The following GRIN2A variants were observed in gnomAD, a reference collection of about 807,000 sequenced individuals.
GRIN2A encodes glutamate receptor ionotropic, NMDA 2A.
GRIN2A carries 22 observed loss-of-function variants against 113.4 expected under a neutral mutation model. The observed-to-expected ratio is 0.19, with a 90% CI of 0.14 to 0.28. The LOEUF is 0.28. Among genes scored for constraint, GRIN2A ranks in the 10% least tolerant of loss-of-function variants. The pLI is 1.00. For missense variants in GRIN2A, 1,502 were observed against 1,887.0 expected, an observed-to-expected ratio of 0.80 and a Z score of 3.78; for synonymous variants, 827 against 738.4, an observed-to-expected ratio of 1.12 and a Z score of -1.94.
At chr16:9,963,358 G>A (rs776618799) in intron 2 of GRIN2A, among the ~76,000 whole-genome samples, 3 of 151,950 alleles carry the variant, frequency 2.0e-5, no homozygotes, top group Non-Finnish European at 4.4e-5. Context: ...GTGGTTGGCT[G>A]CCCCTATCAA....
At chr16:10,045,014 G>A (rs751529887) in intron 2 of GRIN2A, among the ~76,000 whole-genome samples, 20 of 152,060 alleles carry the variant, frequency 1.3e-4, no homozygotes, top group South Asian at 8.3e-4. Flanking sequence ...AACATTTACC[G>A]TACATTATCA....
chr16:9,944,664 A>G (rs1472297760), intron 2 of GRIN2A, among the ~76,000 whole-genome samples: 2 of 152,122 alleles, frequency 1.3e-5, no homozygotes, highest in African/African-American at 2.4e-5. Context: ...CAGACTGACA[A>G]TTCTTGAGGG....
intron 10 of GRIN2A, among the ~76,000 whole-genome samples, chr16:9,799,882 T>A (rs553911787): frequency 2.6e-5 from 4 of 152,272 alleles, no homozygotes; most frequent in Admixed American, 6.5e-5. Context: ...AAATGTGGAA[T>A]GTTATCATTT....
Position 10,182,090 on chromosome 16 carries a change from G to C in GRIN2A, c.-232C>G, listed in dbSNP as rs1200050890. The C allele has an allele frequency of 6.5e-6, 1 of 152,944 alleles. No homozygotes were observed. The highest frequency in any genetic ancestry group is 2.4e-5 in the African/African-American group (1 of 41,480). The allele number at this position is 152,944 out of a possible 1,614,324, so 9.5% of individuals were successfully genotyped here. ...GCTCTAACGGGGCGGAGGAGAGAAGGAGAGGCAGGGTCAGCCCACCAACGA... is the reference window on the plus strand; with the variant it reads ...GCTCTAACGGGGCGGAGGAGAGAAGCAGAGGCAGGGTCAGCCCACCAACGA... On this transcript the variant is annotated 5_prime_UTR_variant, in exon 1 of 13. Transcript: ENST00000330684.
chr16:9,915,065 T>C (rs896086903), intron 3 of GRIN2A, among the ~76,000 whole-genome samples: 23 of 151,004 alleles, frequency 1.5e-4, no homozygotes, highest in Admixed American at 4.6e-4. Flanking sequence ...GCCTCCCTAG[T>C]AGCTGGGACT....
At chr16:10,124,908 G>T (rs572033731) in intron 2 of GRIN2A, among the ~76,000 whole-genome samples, 5 of 152,284 alleles carry the variant, frequency 3.3e-5, no homozygotes. Context: ...GCCAAGTTGT[G>T]AAGAAGTCAT....
At chr16:10,080,786 T>A (rs146808367) in intron 2 of GRIN2A, among the ~76,000 whole-genome samples, 212 of 152,238 alleles carry the variant, frequency 1.4e-3, no homozygotes, top group African/African-American at 4.6e-3. Context: ...AACACCCACC[T>A]CAAGGAGGCC....
At chr16:10,004,974 G>A (rs1445658648) in intron 2 of GRIN2A, among the ~76,000 whole-genome samples, 1 of 152,184 alleles carries the variant, frequency 6.6e-6, no homozygotes, top group Non-Finnish European at 1.5e-5. Flanking sequence ...GTTACTTAAA[G>A]TGCATTATAA....
intron 4 of GRIN2A, among the ~76,000 whole-genome samples, chr16:9,887,134 G>T (rs1413935055): frequency 1.3e-5 from 2 of 152,116 alleles, no homozygotes; most frequent in African/African-American, 4.8e-5. Flanking sequence ...CAATCTGACT[G>T]CCTTGGCCTC....
chr16:9,886,812 T>G (rs1245819439), intron 4 of GRIN2A, among the ~76,000 whole-genome samples: 1 of 152,176 alleles, frequency 6.6e-6, no homozygotes, highest in Non-Finnish European at 1.5e-5. Flanking sequence ...GGTATTCATG[T>G]CAGGGGGTTA....
rs759696882 is a variant in GRIN2A at position 9,763,601 on chromosome 16, C to T, written c.3943G>A (p.Asp1315Asn). ...SRPSRSISLK[D>N]RERLLEGNFY... is the part of the protein sequence containing the mutation. ...TTTCCCTCCAGAAGCCGTTCCCTGT[C>T]CTTGAGGCTTATGCTCCGGGAGGGC... Residue 1315 changes from aspartate to asparagine, a missense_variant, in exon 13 of 13, where the codon GAC (aspartate) becomes AAC (asparagine). Asp to Asn is a conservative substitution (Grantham distance 23). Transcript: ENST00000330684. The T allele has an allele frequency of 6.2e-7, 1 of 1,613,634 alleles. No individual in the cohort carries two copies. The highest frequency in any genetic ancestry group is 1.1e-5 in the South Asian group (1 of 91,068).
intron 2 of GRIN2A, among the ~76,000 whole-genome samples, chr16:9,952,399 C>A (rs917635881): frequency 6.6e-6 from 1 of 151,790 alleles, no homozygotes; most frequent in African/African-American, 2.4e-5. Context: ...CAGAGACACA[C>A]AGAATGAAGA....
At chr16:9,927,983 A>G (rs1258452412) in intron 3 of GRIN2A, among the ~76,000 whole-genome samples, 1 of 152,216 alleles carries the variant, frequency 6.6e-6, no homozygotes, top group African/African-American at 2.4e-5. Flanking sequence ...GGGGATTTGG[A>G]CAATGGTACA....
chr16:9,963,653 C>T (rs2045489086), intron 2 of GRIN2A, among the ~76,000 whole-genome samples: 1 of 152,104 alleles, frequency 6.6e-6, no homozygotes, highest in South Asian at 2.1e-4. Flanking sequence ...GTAAGCTATG[C>T]CTCCATAAAG....
intron 2 of GRIN2A, among the ~76,000 whole-genome samples, chr16:9,961,791 T>C (rs1035808305): frequency 5.3e-5 from 8 of 151,742 alleles, no homozygotes; most frequent in Non-Finnish European, 8.8e-5. Context: ...AAAGTTCATA[T>C]GGAACCAAAA....
chr16:9,841,254 C>T, intron 5 of GRIN2A, 150 bp from the exon 6 acceptor site: 2 of 711,638 alleles, frequency 2.8e-6, no homozygotes, highest in Non-Finnish European at 5.1e-6. Context: ...GAGTACATGA[C>T]AGCAAAAGCA....
intron 10 of GRIN2A, among the ~76,000 whole-genome samples, chr16:9,802,797 G>A (rs988759094): frequency 2.6e-5 from 4 of 152,124 alleles, no homozygotes; most frequent in African/African-American, 7.2e-5. Flanking sequence ...AATATGTTTA[G>A]TGCAAATGAG....
intron 2 of GRIN2A, among the ~76,000 whole-genome samples, chr16:10,056,655 G>C (rs1954456037): frequency 6.6e-6 from 1 of 152,226 alleles, no homozygotes; most frequent in Non-Finnish European, 1.5e-5. Flanking sequence ...CTGAAGAGGA[G>C]AAAACACAGG....
At chr16:9,905,456 C>A (rs1000354157) in intron 3 of GRIN2A, among the ~76,000 whole-genome samples, 1 of 152,130 alleles carries the variant, frequency 6.6e-6, no homozygotes, top group African/African-American at 2.4e-5. Context: ...AAGATGATAA[C>A]AGTGGTGAAA....
Sources: allele counts gnomAD v4.1 joint callset (sites outside exome capture counted in the v4.1 genomes callset), GRCh38; gene constraint gnomAD v4.1.1; transcripts MANE v1.5; gene names NCBI Gene and HGNC (gene_info 2026-07-23, HGNC 2026-07-21).